The following MAPK9 variants were observed in gnomAD, a reference collection of about 807,000 sequenced individuals.
MAPK9 encodes the protein mitogen-activated protein kinase 9.
Under a neutral mutation model 57.1 loss-of-function variants are expected in MAPK9, and 30 were observed. That is an observed-to-expected ratio of 0.53 (90% CI 0.39 to 0.71). The LOEUF (loss-of-function observed/expected upper bound fraction) is 0.71, where lower values mean the gene tolerates loss of function less well. MAPK9 is among the 30% of genes least tolerant of loss of function. The pLI, the probability that MAPK9 is intolerant of heterozygous loss-of-function variation, is 0.00. For missense variants in MAPK9, 362 were observed against 521.0 expected (o/e 0.69, Z 2.97); for synonymous variants, 155 against 177.0 (o/e 0.88, Z 0.99).
intron 8 of MAPK9, among the ~76,000 whole-genome samples, chr5:180,242,129 GCA>G (rs1426283640): frequency 1.3e-5 from 2 of 152,150 alleles, no homozygotes; most frequent in South Asian, 2.1e-4. Flanking sequence ...TCTGATTAAG[GCA>G]CAGTTTACCT....
chr5:180,261,572 T>C (rs918312536), intron 5 of MAPK9, 112 bp downstream of exon 5: 49 of 1,019,142 alleles, frequency 4.8e-5, no homozygotes, highest in Non-Finnish European at 6.4e-5. Context: ...GATTCCATCA[T>C]CTATTTGGAT....
At chr5:180,286,213 T>G (rs1277886447) in intron 1 of MAPK9, among the ~76,000 whole-genome samples, 1 of 137,794 alleles carries the variant, frequency 7.3e-6, no homozygotes, top group Non-Finnish European at 1.5e-5. Flanking sequence ...TGGCATGATC[T>G]CGGCTCACTG....
chr5:180,267,555 C>A, intron 3 of MAPK9, among the ~76,000 whole-genome samples: 1 of 110,346 alleles, frequency 9.1e-6, no homozygotes, highest in South Asian at 3.4e-4. Flanking sequence ...GAGCGAGACT[C>A]CGTCTCAAAA....
intron 3 of MAPK9, among the ~76,000 whole-genome samples, chr5:180,267,544 A>T (rs549733850): frequency 2.0e-5 from 3 of 146,420 alleles, no homozygotes; most frequent in Non-Finnish European, 4.5e-5. Flanking sequence ...GTTGGGCGAC[A>T]GAGCGAGACT....
At chr5:180,290,772 T>TG (rs1763159773) in intron 1 of MAPK9, among the ~76,000 whole-genome samples, 1 of 152,248 alleles carries the variant, frequency 6.6e-6, no homozygotes, top group African/African-American at 2.4e-5. Context: ...ACAGGCAGGC[T>TG]GGGCCATTTC....
chr5:180,242,787 A>C (rs1321044846), intron 7 of MAPK9, 32 bp from the exon 8 acceptor site: 2 of 1,556,172 alleles, frequency 1.3e-6, no homozygotes, highest in Non-Finnish European at 1.8e-6. Context: ...ATACAACTGA[A>C]GTACCTTGTA....
chr5:180,245,148 C>T (rs768459475), intron 7 of MAPK9, among the ~76,000 whole-genome samples: 8 of 152,236 alleles, frequency 5.3e-5, no homozygotes, highest in Non-Finnish European at 1.0e-4. Flanking sequence ...TACCGACAGA[C>T]GGATGACACC....
chr5:180,291,872 G>A lies in MAPK9; in HGVS notation c.-72C>T, dbSNP rs1241137953. On this transcript the variant is annotated 5_prime_UTR_variant, in exon 1 of 12. Transcript: ENST00000452135. ...CCTCGCCTCCCCGCCGCCGCGCCAC[G>A]GGGAGAGGGCGGGCGGGCGGACTGG... 6.8e-6 allele frequency: 1 copy of A among 146,992 alleles called. No homozygotes were observed. 9.1% of individuals were successfully genotyped at this position (146,992 alleles called of 1,614,324 possible). A position where few individuals can be genotyped will look rare whatever the true frequency, so the allele number is the denominator to read the frequency against.
intron 5 of MAPK9, among the ~76,000 whole-genome samples, chr5:180,259,183 C>T (rs1462121778): frequency 3.9e-5 from 6 of 152,132 alleles, no homozygotes; most frequent in African/African-American, 1.4e-4. Flanking sequence ...CATGAAAGAA[C>T]TCACACTGGA....
chr5:180,251,723 A>G (rs1758709827), intron 5 of MAPK9, among the ~76,000 whole-genome samples: 2 of 86,708 alleles, frequency 2.3e-5, no homozygotes, highest in South Asian at 6.5e-4. Flanking sequence ...AATGCCAAGT[A>G]CAGATCCAAG....
chr5:180,260,402 A>C (rs1759810675), intron 5 of MAPK9, among the ~76,000 whole-genome samples: 1 of 152,222 alleles, frequency 6.6e-6, no homozygotes, highest in Non-Finnish European at 1.5e-5. Flanking sequence ...CAAATCTTAT[A>C]AATTTAAGGA....
At chr5:180,291,518 G>A (rs1763233159) in intron 1 of MAPK9, among the ~76,000 whole-genome samples, 1 of 152,148 alleles carries the variant, frequency 6.6e-6, no homozygotes, top group African/African-American at 2.4e-5. Context: ...CCTTGGCCAA[G>A]GTCGCGGGGA....
Position 180,269,326 on chromosome 5 carries a change from C to T in MAPK9, c.206G>A (p.Arg69Lys). The T allele has an allele frequency of 6.2e-7, 1 of 1,614,062 alleles. No homozygotes were observed. The highest frequency in any genetic ancestry group is 8.5e-7 in the Non-Finnish European group (1 of 1,179,952). Residue 69 changes from arginine (R) to lysine (K), a missense_variant, in exon 3 of 12, where the codon AGA becomes AAA. Physicochemically the swap from Arg to Lys is conservative, Grantham distance 26 (BLOSUM62 2). Coordinates refer to ENST00000452135, the MANE Select transcript of MAPK9 (RefSeq NM_002752.5). ...TAAGAGGACAAGTTCACGATAAGCT[C>T]TCTTTGCATGAGTTTGGTTCTGAAA... ...RPFQNQTHAK[R>K]AYRELVLLKC...
chr5:180,268,835 A>G (rs1760960648), intron 3 of MAPK9, among the ~76,000 whole-genome samples: 1 of 144,248 alleles, frequency 6.9e-6, no homozygotes, highest in African/African-American at 2.6e-5. Context: ...TCCAAAAAAA[A>G]AGAATGTTAT....
In MAPK9 at chr5:180,241,038, G is replaced by A; in HGVS notation, c.989C>T (p.Ala330Val). 1 of 1,611,670 alleles carries A rather than the reference G, an allele frequency of 6.2e-7. No individual in the cohort carries two copies. Among genetic ancestry groups the A allele is most frequent in the Non-Finnish European group, 8.5e-7 (1 of 1,179,102 alleles). The change falls in exon 9 of 12, where the codon GCA becomes GTA. Residue 330 changes from alanine (A) to valine (V), a missense_variant. Ala to Val is a moderately conservative substitution (Grantham distance 64). This residue lies in a region of MAPK9 where 199 missense variants were observed against 251.3 expected (regional missense o/e 0.79). Transcript: ENST00000452135. Reference sequence around the variant, plus strand: ...TTCAAAACAGATACTCACGGCTTCTGCTTCGGCGGGGTCATACCAAACAGT... The same window carrying A: ...TTCAAAACAGATACTCACGGCTTCTACTTCGGCGGGGTCATACCAAACAGT... ...YITVWYDPAE[A>V]EAPPPQIYDA...
At chr5:180,269,103 C>A (rs1413367128) in intron 3 of MAPK9, among the ~76,000 whole-genome samples, 177 bp downstream of exon 3, 1 of 152,204 alleles carries the variant, frequency 6.6e-6, no homozygotes, top group African/African-American at 2.4e-5. Flanking sequence ...TGCGCCACTG[C>A]ATTCCAGCCT....
In MAPK9 at chr5:180,280,702, T is replaced by C. The variant is rs1412704108; in HGVS notation, c.-47-94A>G. 4.1e-5 allele frequency: 40 copies of C among 979,682 alleles called. No homozygotes were observed. The East Asian group carries it at 1.1e-3, about 27-fold the overall frequency. 60.7% of individuals were successfully genotyped at this position (979,682 alleles called of 1,614,324 possible). A position where few individuals can be genotyped will look rare whatever the true frequency, so the allele number is the denominator to read the frequency against. Reference sequence around the variant, plus strand: ...CTGAACTTATTGGTATGTAAGACAATGTGGCTGTAAGTTGATAAAGTCAAT... The same window carrying C: ...CTGAACTTATTGGTATGTAAGACAACGTGGCTGTAAGTTGATAAAGTCAAT... On this transcript the variant is annotated intron_variant, in intron 1 of 11. Transcript: ENST00000452135.
At chr5:180,270,574 G>A (rs1322944138) in intron 2 of MAPK9, among the ~76,000 whole-genome samples, 1 of 152,214 alleles carries the variant, frequency 6.6e-6, no homozygotes, top group South Asian at 2.1e-4. Flanking sequence ...AAATAGGCCA[G>A]GTGTGGTGGC....
intron 5 of MAPK9, chr5:180,257,646 G>A (rs1561807211): frequency 6.6e-6 from 1 of 152,236 alleles, no homozygotes; most frequent in African/African-American, 2.4e-5. Flanking sequence ...AGATCCCTAA[G>A]CAGGATGCCA....
Sources: gnomAD v4.1 joint callset for allele counts (sites outside exome capture counted in the v4.1 genomes callset) on GRCh38, gnomAD v4.1.1 for gene constraint, gnomAD v4.1.1 regional missense constraint, MANE v1.5 for transcripts, NCBI Gene and HGNC (gene_info 2026-07-23, HGNC 2026-07-21) for gene names.